The following ME3 variants were observed in gnomAD, a reference collection of about 807,000 sequenced individuals.
The protein encoded by ME3 is malic enzyme 3.
In ME3, 48 loss-of-function variants were observed where a neutral mutation model predicts 68.9. The observed-to-expected ratio is 0.70, with a 90% CI of 0.55 to 0.89. ME3 has a LOEUF of 0.89. ME3 is among the 40% of genes least tolerant of loss of function. The probability of loss-of-function intolerance (pLI) is 0.00; values close to 1 mark genes in which losing one functional copy is unlikely to be tolerated. For synonymous variants in ME3, 320 were observed against 318.8 expected (o/e 1.00, Z -0.04); for missense variants, 675 against 797.4 (o/e 0.85, Z 1.85).
intron 4 of ME3, among the ~76,000 whole-genome samples, chr11:86,538,110 A>G (rs1042358152): frequency 3.9e-5 from 6 of 152,198 alleles, no homozygotes; most frequent in Non-Finnish European, 8.8e-5. Flanking sequence ...CCTGTTGCTG[A>G]TTTCATTCAC....
chr11:86,483,681 T>C (rs1951538865), intron 7 of ME3, among the ~76,000 whole-genome samples: 1 of 152,156 alleles, frequency 6.6e-6, no homozygotes, highest in Non-Finnish European at 1.5e-5. Flanking sequence ...CTAAGCAGCT[T>C]AAGAATCCCT....
At chr11:86,519,329 C>A (rs748281478) in intron 4 of ME3, among the ~76,000 whole-genome samples, 1 of 152,054 alleles carries the variant, frequency 6.6e-6, no homozygotes, top group Non-Finnish European at 1.5e-5. Flanking sequence ...TTCAGTTACA[C>A]GAGAGAGAAA....
rs1298638734 is a variant in ME3, at chr11:86,616,654, A to T, written c.183+55108T>A. Reference sequence around the variant, plus strand: ...TCATAACTTCAGTCTAATAATGAGGAAAACATCATATAAACCTAGTTGGGG... The same window carrying T: ...TCATAACTTCAGTCTAATAATGAGGTAAACATCATATAAACCTAGTTGGGG... On this transcript the variant is annotated intron_variant, in intron 2 of 14. Coordinates refer to ENST00000543262, the Ensembl canonical transcript of ME3. 3.9e-5 allele frequency among the ~76,000 whole-genome samples: 6 copies of T among 152,196 alleles called. No individual in the cohort carries two copies. In the South Asian group the frequency reaches 1.2e-3, roughly 32 times the overall value.
intron 14 of ME3, 42 bp from the exon 15 acceptor site, chr11:86,441,482 G>A: frequency 6.5e-7 from 1 of 1,529,376 alleles, no homozygotes; most frequent in Non-Finnish European, 8.8e-7. Context: ...GATCTAAGGG[G>A]AAACCTGCTT....
At chr11:86,476,085 C>T (rs1951069991) in intron 7 of ME3, among the ~76,000 whole-genome samples, 1 of 152,030 alleles carries the variant, frequency 6.6e-6, no homozygotes, top group Non-Finnish European at 1.5e-5. Flanking sequence ...AGGGATTTTT[C>T]TTTGCATATG....
intron 4 of ME3, among the ~76,000 whole-genome samples, chr11:86,555,924 T>G (rs1956902661): frequency 6.6e-6 from 1 of 152,236 alleles, no homozygotes; most frequent in African/African-American, 2.4e-5. Flanking sequence ...TATGTATTTA[T>G]AATTATAAGG....
Position 86,524,216 on chromosome 11 carries a change from A to C in ME3, c.468-15349T>G, listed in dbSNP as rs144382879. ...GGTCTCTGGGCAGTAAGTTGTTTGG[A>C]ATGTGTCTCTGTTCTAATACAAACA... On this transcript the variant is annotated intron_variant, in intron 4 of 14. Coordinates refer to ENST00000543262, the Ensembl canonical transcript of ME3. Among the ~76,000 whole-genome samples the C allele has an allele frequency of 2.0e-5, 3 of 152,346 alleles. No individual in the cohort carries two copies. The East Asian group carries it at 5.8e-4, about 29-fold the overall frequency.
chr11:86,616,982 A>G (rs879934242), intron 2 of ME3, among the ~76,000 whole-genome samples: 2 of 146,426 alleles, frequency 1.4e-5, no homozygotes, highest in Admixed American at 6.9e-5. Context: ...GGTAAGGGGT[A>G]TACATGAACT....
intron 2 of ME3, among the ~76,000 whole-genome samples, chr11:86,604,710 G>A (rs1362936318): frequency 6.6e-6 from 1 of 151,790 alleles, no homozygotes; most frequent in Non-Finnish European, 1.5e-5. Context: ...GGGAACTGAG[G>A]TATAGAAAGT....
At chr11:86,515,648 G>C (rs937424523) in intron 4 of ME3, among the ~76,000 whole-genome samples, 4 of 152,214 alleles carry the variant, frequency 2.6e-5, no homozygotes, top group African/African-American at 9.6e-5. Flanking sequence ...TGGTAAGTCT[G>C]AAGGGGGTGC....
At chr11:86,612,006 G>T (rs4943948) in intron 2 of ME3, among the ~76,000 whole-genome samples, 59,456 of 151,938 alleles carry the variant, frequency 0.39, 12,313 homozygotes, top group East Asian at 0.7. Flanking sequence ...TACATAGGTA[G>T]ACATGTGCCA....
chr11:86,446,478 T>C (rs751563626), exon 13 of ME3: 1 of 1,614,006 alleles, frequency 6.2e-7, no homozygotes, highest in Non-Finnish European at 8.5e-7. Context: ...CTGGCAAAAA[T>C]CCCTCGGCCC....
At chr11:86,460,107 G>T (rs937531954) in intron 8 of ME3, among the ~76,000 whole-genome samples, 13 of 152,186 alleles carry the variant, frequency 8.5e-5, no homozygotes, top group African/African-American at 2.9e-4. Flanking sequence ...TAAGAGCAGA[G>T]ATGCTTCTCT....
chr11:86,615,879 A>G (rs534704807), intron 2 of ME3, among the ~76,000 whole-genome samples: 48 of 152,360 alleles, frequency 3.2e-4, no homozygotes, highest in Non-Finnish European at 6.2e-4. Flanking sequence ...ATTTCAGAGC[A>G]TACTTCTTTG....
intron 2 of ME3, among the ~76,000 whole-genome samples, chr11:86,615,566 GCTAATAAGAGTTCAC>G (rs1357638829): frequency 6.6e-6 from 1 of 152,194 alleles, no homozygotes; most frequent in East Asian, 1.9e-4. Flanking sequence ...AGATCACAGA[GCTAATAAGAGTTCAC>G]CTCTGTCTGA....
At chr11:86,655,296 C>G (rs1239603552) in intron 2 of ME3, among the ~76,000 whole-genome samples, 2 of 151,788 alleles carry the variant, frequency 1.3e-5, no homozygotes, top group Admixed American at 6.6e-5. Flanking sequence ...CCAAGTCAAT[C>G]CTAAGCCAAA....
At chr11:86,649,500 A>G (rs1005948975) in intron 2 of ME3, among the ~76,000 whole-genome samples, 3 of 152,230 alleles carry the variant, frequency 2.0e-5, no homozygotes, top group Non-Finnish European at 2.9e-5. Context: ...AATATATTCA[A>G]ATAGGAAGAG....
intron 2 of ME3, among the ~76,000 whole-genome samples, chr11:86,627,123 A>C (rs1158285745): frequency 6.6e-6 from 1 of 152,256 alleles, no homozygotes; most frequent in Non-Finnish European, 1.5e-5. Context: ...GAACACAGGC[A>C]GTATGGGGCC....
chr11:86,556,186 T>C (rs908742341), intron 4 of ME3, among the ~76,000 whole-genome samples: 3 of 152,218 alleles, frequency 2.0e-5, no homozygotes, highest in African/African-American at 7.2e-5. Context: ...CCATTATTCA[T>C]TGGCCTGAAT....
Sources: allele counts gnomAD v4.1 joint callset (sites outside exome capture counted in the v4.1 genomes callset), GRCh38; gene constraint gnomAD v4.1.1; transcripts MANE v1.5; gene names NCBI Gene and HGNC (gene_info 2026-07-23, HGNC 2026-07-21).